Variants in ATP9B observed in about 807,000 individuals in gnomAD.
ATP9B encodes ATPase phospholipid transporting 9B, also known as probable phospholipid-transporting ATPase IIB.
Under a neutral mutation model 146.1 loss-of-function variants are expected in ATP9B, and 110 were observed. The observed-to-expected ratio is 0.75, with a 90% CI of 0.65 to 0.88. The LOEUF (loss-of-function observed/expected upper bound fraction) is 0.88. ATP9B is among the 40% of genes least tolerant of loss of function. ATP9B has a pLI of 0.00. For synonymous variants in ATP9B, 604 were observed against 569.7 expected (o/e 1.06, Z -0.86); for missense variants, 1,499 against 1,496.4 (o/e 1.00, Z -0.03).
chr18:79,161,718 C>T (rs1426733567), intron 7 of ATP9B, among the ~76,000 whole-genome samples: 2 of 150,040 alleles, frequency 1.3e-5, no homozygotes, highest in East Asian at 1.9e-4. Flanking sequence ...TGGTGGCGGG[C>T]GCCTATAGTC....
intron 5 of ATP9B, among the ~76,000 whole-genome samples, chr18:79,129,830 G>A (rs1040012085): frequency 4.0e-5 from 6 of 151,654 alleles, no homozygotes; most frequent in East Asian, 1.9e-4. Flanking sequence ...TGCAACCTCC[G>A]TCCCCCGGCT....
At chr18:79,154,955 T>C (rs2094751800) in intron 7 of ATP9B, among the ~76,000 whole-genome samples, 1 of 152,262 alleles carries the variant, frequency 6.6e-6, no homozygotes, top group South Asian at 2.1e-4. Context: ...GAAATATATT[T>C]GTTTAAAAAT....
rs1320409215 is a variant in ATP9B at position 79,336,197 on chromosome 18, G to A, written c.2029-431G>A. 1.4e-5 allele frequency among the ~76,000 whole-genome samples: 2 copies of A among 138,288 alleles called. 1 individual carries two copies. Among genetic ancestry groups the A allele is most frequent in the Admixed American group, 1.4e-4 (2 of 13,856 alleles). 90.7% of individuals were successfully genotyped at this position (138,288 alleles called of 152,430 possible). A position where few individuals can be genotyped will look rare whatever the true frequency, so the allele number is the denominator to read the frequency against. On this transcript the variant is annotated intron_variant, in intron 17 of 29. Transcript: ENST00000426216. ...CTCCCTGGCACCAGGCGCTCCCCTC[G>A]CCTGTCCCCAGCACCGCCATGTGCA...
rs145552940 is a variant in ATP9B at position 79,229,004 on chromosome 18, C to T, written c.1107+14966C>T. Among the ~76,000 whole-genome samples the T allele has an allele frequency of 6.0e-3, 906 of 152,226 alleles. 7 individuals carry two copies. Among genetic ancestry groups the T allele is most frequent in the Non-Finnish European group, 9.5e-3 (648 of 68,008 alleles). On this transcript the variant is annotated intron_variant, in intron 11 of 29. Coordinates refer to ENST00000426216, the MANE Select transcript of ATP9B (RefSeq NM_198531.5). Reference sequence around the variant, plus strand: ...TGAGATTGTGCCACTACACTCCAGCCTGGGCGACAGTATAAGACCCTGTCT... The same window carrying T: ...TGAGATTGTGCCACTACACTCCAGCTTGGGCGACAGTATAAGACCCTGTCT...
intron 15 of ATP9B, among the ~76,000 whole-genome samples, chr18:79,315,667 G>T (rs558301721): frequency 1.3e-5 from 2 of 152,312 alleles, no homozygotes; most frequent in East Asian, 3.9e-4. Context: ...GAATTATAGA[G>T]AATTATTAAT....
At chr18:79,215,253 C>A (rs1365319697) in intron 11 of ATP9B, among the ~76,000 whole-genome samples, 1 of 151,810 alleles carries the variant, frequency 6.6e-6, no homozygotes, top group East Asian at 1.9e-4. Context: ...AACATATCAC[C>A]AACCCTATAA....
chr18:79,328,611 C>G (rs2096773986), intron 15 of ATP9B, among the ~76,000 whole-genome samples: 1 of 152,188 alleles, frequency 6.6e-6, no homozygotes, highest in African/African-American at 2.4e-5. Flanking sequence ...CCTGCTTTCT[C>G]CTTGTCTATC....
At chr18:79,289,402 C>T (rs1599651631) in intron 13 of ATP9B, among the ~76,000 whole-genome samples, 1 of 152,204 alleles carries the variant, frequency 6.6e-6, no homozygotes, top group African/African-American at 2.4e-5. Flanking sequence ...TCCAGTTGAT[C>T]ACATCGGCTC....
At chr18:79,105,267 T>C (rs570707896) in intron 2 of ATP9B, among the ~76,000 whole-genome samples, 1 of 152,364 alleles carries the variant, frequency 6.6e-6, no homozygotes, top group African/African-American at 2.4e-5. Context: ...TACCAGGCAT[T>C]ATAAAATTCA....
At chr18:79,233,051 G>A (rs1424634916) in intron 11 of ATP9B, among the ~76,000 whole-genome samples, 1 of 152,120 alleles carries the variant, frequency 6.6e-6, no homozygotes, top group Non-Finnish European at 1.5e-5. Context: ...CAGCACTTTG[G>A]GAGTTCAAGG....
Position 79,377,438 on chromosome 18 carries a change from C to T in ATP9B, c.*55C>T. 3 of 1,583,292 alleles carry T rather than the reference C, an allele frequency of 1.9e-6. No individual in the cohort carries two copies. Among genetic ancestry groups the T allele is most frequent in the Non-Finnish European group, 2.6e-6 (3 of 1,167,998 alleles). On this transcript the variant is annotated 3_prime_UTR_variant, in exon 30 of 30. Transcript: ENST00000426216. ...CAGCACCTTCTGCCCTTCCCAGCAC[C>T]TTGTGCCCTTGCCAGTGAACGCAGG...
chr18:79,098,937 C>T (rs1437563274), intron 2 of ATP9B, among the ~76,000 whole-genome samples: 1 of 152,018 alleles, frequency 6.6e-6, no homozygotes, highest in Non-Finnish European at 1.5e-5. Flanking sequence ...TTTGTGTTTC[C>T]TCGAAGTTAA....
Position 79,146,683 on chromosome 18 carries a change from C to G in ATP9B, c.726+2823C>G, listed in dbSNP as rs148150427. 220 of 227,102 alleles carry G rather than the reference C, an allele frequency of 9.7e-4. 3 individuals carry two copies. The highest frequency in any genetic ancestry group is 4.8e-3 in the African/African-American group (206 of 43,060). 14.1% of individuals were successfully genotyped at this position (227,102 alleles called of 1,614,324 possible). ...GGGAGTGCATTCGGAGTGTTCTCAT[C>G]TGTCTCATCCCTGACCACGTGAGTA... On this transcript the variant is annotated intron_variant, in intron 6 of 29. Transcript: ENST00000426216.
intron 1 of ATP9B, among the ~76,000 whole-genome samples, chr18:79,092,090 A>G (rs570222705): frequency 2.3e-4 from 35 of 152,328 alleles, no homozygotes; most frequent in African/African-American, 7.7e-4. Context: ...TGCATTATAT[A>G]TAGTCATGTG....
chr18:79,326,833 A>T, intron 15 of ATP9B, among the ~76,000 whole-genome samples: 1 of 152,308 alleles, frequency 6.6e-6, no homozygotes, highest in East Asian at 1.9e-4. Flanking sequence ...AGCTGAGGGT[A>T]GAGCCCTGGC....
chr18:79,141,600 A>T (rs1269481316), intron 5 of ATP9B, among the ~76,000 whole-genome samples: 3 of 152,208 alleles, frequency 2.0e-5, no homozygotes. Flanking sequence ...CAACTCTGAG[A>T]TTATTAAATT....
At chr18:79,375,262 C>T (rs2097096358) in intron 28 of ATP9B, 132 bp from the exon 29 acceptor site, 4 of 759,264 alleles carry the variant, frequency 5.3e-6, no homozygotes, top group Non-Finnish European at 8.7e-6. Flanking sequence ...GTTAAAACCA[C>T]ATTGAAAACG....
intron 11 of ATP9B, among the ~76,000 whole-genome samples, chr18:79,250,446 CTTT>C (rs200270697): frequency 4.2e-4 from 64 of 152,228 alleles, no homozygotes; most frequent in Middle Eastern, 3.4e-3. Flanking sequence ...GTAATTGAGT[CTTT>C]TTTCCCTGAG....
intron 11 of ATP9B, among the ~76,000 whole-genome samples, chr18:79,218,496 G>A (rs1290344533): frequency 4.6e-5 from 7 of 151,110 alleles, no homozygotes; most frequent in East Asian, 1.9e-4. Flanking sequence ...TTCCGTGTCC[G>A]GCACAGGCTG....
Sources: gnomAD v4.1 joint callset for allele counts (sites outside exome capture counted in the v4.1 genomes callset) on GRCh38, gnomAD v4.1.1 for gene constraint, MANE v1.5 for transcripts, NCBI Gene and HGNC (gene_info 2026-07-23, HGNC 2026-07-21) for gene names.